VPS13B: variants seen among roughly 807,000 people sequenced by gnomAD.
VPS13B encodes the protein vacuolar protein sorting 13 homolog B.
VPS13B carries 285 observed loss-of-function variants against 426.4 expected under a neutral mutation model. The ratio of observed to expected loss-of-function variants is 0.67; its 90% CI spans 0.61 to 0.74. The LOEUF (loss-of-function observed/expected upper bound fraction) is 0.74. Ranked by LOEUF, VPS13B falls within the 30% of genes least tolerant of loss-of-function variation. The pLI, the probability that VPS13B is intolerant of heterozygous loss-of-function variation, is 0.00. For synonymous variants in VPS13B, 1,676 were observed against 1,676.4 expected, an observed-to-expected ratio of 1.00 and a Z score of 0.01; for missense variants, 4,537 against 4,782.6, an observed-to-expected ratio of 0.95 and a Z score of 1.51.
intron 21 of VPS13B, among the ~76,000 whole-genome samples, chr8:99,392,056 G>C (rs368883414): frequency 2.0e-5 from 3 of 152,144 alleles, no homozygotes; most frequent in Non-Finnish European, 2.9e-5. Context: ...AAGCAGGATC[G>C]TATTTCTATC....
At chr8:99,169,812 G>A (rs947295869) in intron 15 of VPS13B, among the ~76,000 whole-genome samples, 1 of 152,016 alleles carries the variant, frequency 6.6e-6, no homozygotes, top group African/African-American at 2.4e-5. Context: ...CAAAAGAGCA[G>A]TGATCTTTCA....
chr8:99,737,899 G>C (rs944000891), intron 39 of VPS13B, among the ~76,000 whole-genome samples: 1 of 152,216 alleles, frequency 6.6e-6, no homozygotes, highest in African/African-American at 2.4e-5. Flanking sequence ...AGGCTGGAAT[G>C]GTTGCTTATT....
intron 39 of VPS13B, among the ~76,000 whole-genome samples, chr8:99,743,113 G>A (rs2130488929): frequency 6.6e-6 from 1 of 152,278 alleles, no homozygotes; most frequent in Middle Eastern, 3.4e-3. Flanking sequence ...AAGCTGATAG[G>A]CAACTTCAGC....
intron 33 of VPS13B, among the ~76,000 whole-genome samples, chr8:99,606,732 G>A (rs1012407040): frequency 2.0e-5 from 3 of 149,514 alleles, no homozygotes; most frequent in African/African-American, 4.9e-5. Context: ...AGATTCAAGC[G>A]ATTCTCCTGC....
chr8:99,519,821 T>G, intron 29 of VPS13B, among the ~76,000 whole-genome samples: 2 of 148,128 alleles, frequency 1.4e-5, no homozygotes, highest in Admixed American at 6.7e-5. Flanking sequence ...GGAGGGTGGA[T>G]GGATAGCATT....
At chr8:99,210,603 AT>A (rs1186559460) in intron 17 of VPS13B, among the ~76,000 whole-genome samples, 1 of 150,800 alleles carries the variant, frequency 6.6e-6, no homozygotes, top group African/African-American at 2.4e-5. Context: ...GTCTTGAAAA[AT>A]ATATATATAT....
chr8:99,633,222 T>C (rs1828920297), intron 33 of VPS13B, among the ~76,000 whole-genome samples: 1 of 152,042 alleles, frequency 6.6e-6, no homozygotes, highest in South Asian at 2.1e-4. Context: ...ATTTCATCAA[T>C]AGAAATTTCT....
rs368692175 is a variant in VPS13B, at chr8:99,111,722, G to A, written c.762+443G>A. 1.1e-4 allele frequency among the ~76,000 whole-genome samples: 16 copies of A among 152,144 alleles called. No individual in the cohort carries two copies. In the East Asian group the frequency reaches 2.9e-3, roughly 27 times the overall value. On this transcript the variant is annotated intron_variant, in intron 6 of 61. Transcript: ENST00000357162. ...GATATACTAACCTAATAGTTTATTG[G>A]TTCAAGAAGTTTTAGCTTTTGATTT...
At chr8:99,670,705 C>T (rs896496434) in intron 35 of VPS13B, among the ~76,000 whole-genome samples, 25 of 152,174 alleles carry the variant, frequency 1.6e-4, no homozygotes, top group African/African-American at 5.8e-4. Flanking sequence ...GACATTTTTA[C>T]GTTCCATATA....
chr8:99,527,025 G>T (rs1408444229), intron 30 of VPS13B, among the ~76,000 whole-genome samples: 1 of 151,992 alleles, frequency 6.6e-6, no homozygotes, highest in East Asian at 1.9e-4. Context: ...CTTTTAAACG[G>T]AGATCATTTA....
At chr8:99,585,253 C>T (rs912543239) in intron 33 of VPS13B, among the ~76,000 whole-genome samples, 2 of 152,102 alleles carry the variant, frequency 1.3e-5, no homozygotes, top group Non-Finnish European at 2.9e-5. Context: ...TATTTTATCA[C>T]GAGCAGTTGG....
At chr8:99,535,117 C>G (rs985989642) in intron 30 of VPS13B, among the ~76,000 whole-genome samples, 3 of 152,022 alleles carry the variant, frequency 2.0e-5, no homozygotes, top group Non-Finnish European at 4.4e-5. Flanking sequence ...AAGCAGACAT[C>G]TATTAATTAA....
intron 12 of VPS13B, among the ~76,000 whole-genome samples, chr8:99,142,080 TTAATC>T (rs2132578095): frequency 6.6e-6 from 1 of 152,068 alleles, no homozygotes; most frequent in South Asian, 2.1e-4. Flanking sequence ...AATCAATCAA[TTAATC>T]TAATTCATTT....
chr8:99,668,808 G>A (rs1252813027), intron 35 of VPS13B, among the ~76,000 whole-genome samples: 9 of 152,046 alleles, frequency 5.9e-5, no homozygotes, highest in African/African-American at 1.9e-4. Flanking sequence ...ATTGCAGTTC[G>A]GCAATCCTGG....
intron 21 of VPS13B, among the ~76,000 whole-genome samples, chr8:99,408,382 T>C (rs1212325211): frequency 6.6e-6 from 1 of 152,154 alleles, no homozygotes; most frequent in African/African-American, 2.4e-5. Context: ...ATTCAGGATC[T>C]ATTTTAAGAT....
intron 19 of VPS13B, among the ~76,000 whole-genome samples, chr8:99,328,477 A>G (rs1186447604): frequency 6.6e-6 from 1 of 152,174 alleles, no homozygotes; most frequent in Non-Finnish European, 1.5e-5. Flanking sequence ...AGGGGAAGCA[A>G]GGACAAATGG....
rs185318935 is a variant in VPS13B at position 99,381,255 on chromosome 8, A to T, written c.2825-2953A>T. Among the ~76,000 whole-genome samples the T allele has an allele frequency of 1.7e-3, 259 of 152,282 alleles. 2 individuals carry two copies. The highest frequency in any genetic ancestry group is 5.8e-3 in the South Asian group (28 of 4,818). ...TGATCTTGTTCTTTTTTATGGCTGC[A>T]TAGTATTCCATTGTGTATATGTAAC... On this transcript the variant is annotated intron_variant, in intron 19 of 61. Coordinates refer to ENST00000357162, the MANE Select transcript of VPS13B (RefSeq NM_152564.5).
At chr8:99,822,867 T>C (rs74337459) in intron 50 of VPS13B, among the ~76,000 whole-genome samples, 1 of 152,334 alleles carries the variant, frequency 6.6e-6, no homozygotes, top group African/African-American at 2.4e-5. Context: ...TCTCATGTCA[T>C]GTACCTCTGG....
chr8:99,046,996 G>C (rs1275066574), intron 3 of VPS13B, among the ~76,000 whole-genome samples: 1 of 151,946 alleles, frequency 6.6e-6, no homozygotes, highest in African/African-American at 2.4e-5. Context: ...TTTCTTTTTT[G>C]TTATGTCCTT....
Sources: allele counts gnomAD v4.1 joint callset (sites outside exome capture counted in the v4.1 genomes callset), GRCh38; gene constraint gnomAD v4.1.1; transcripts MANE v1.5; gene names NCBI Gene and HGNC (gene_info 2026-07-23, HGNC 2026-07-21).